The following NTRK3 variants were observed in gnomAD, a reference collection of about 807,000 sequenced individuals.
NTRK3 encodes neurotrophic receptor tyrosine kinase 3, also known as NT-3 growth factor receptor.
Under a neutral mutation model 91.7 loss-of-function variants are expected in NTRK3, and 24 were observed. The observed-to-expected ratio is 0.26, with a 90% CI of 0.19 to 0.37. The LOEUF (loss-of-function observed/expected upper bound fraction) is 0.37. Ranked by LOEUF, NTRK3 falls within the 10% of genes least tolerant of loss-of-function variation. NTRK3 has a pLI of 1.00. For synonymous variants in NTRK3, 483 were observed against 404.0 expected (o/e 1.20, Z -2.34); for missense variants, 880 against 1,068.9 (o/e 0.82, Z 2.46).
intron 17 of NTRK3, among the ~76,000 whole-genome samples, chr15:87,881,406 C>CTTATTTATTTATTTATTTATTTAT (rs61208268): frequency 4.0e-5 from 6 of 149,260 alleles, no homozygotes; most frequent in Non-Finnish European, 6.0e-5. Context: ...TTCCTTCTTT[C>CTTATTTATTTATTTATTTATTTAT]TTATTTATTT....
chr15:88,042,800 G>T (rs767981976), intron 13 of NTRK3, among the ~76,000 whole-genome samples: 3 of 152,174 alleles, frequency 2.0e-5, no homozygotes, highest in African/African-American at 7.2e-5. Context: ...CAGTGATGTA[G>T]TTGAGGAAAT....
intron 14 of NTRK3, among the ~76,000 whole-genome samples, chr15:87,945,216 G>A (rs1219595947): frequency 6.6e-6 from 1 of 152,212 alleles, no homozygotes; most frequent in African/African-American, 2.4e-5. Context: ...AGAGTTCCTG[G>A]GACCTTCTGG....
intron 14 of NTRK3, among the ~76,000 whole-genome samples, chr15:88,031,155 T>G (rs1222517115): frequency 2.0e-5 from 3 of 152,224 alleles, no homozygotes; most frequent in African/African-American, 7.2e-5. Context: ...GACAAGGTTA[T>G]GTATTGACTG....
intron 13 of NTRK3, among the ~76,000 whole-genome samples, chr15:88,065,248 C>T (rs1206908796): frequency 6.6e-6 from 1 of 152,160 alleles, no homozygotes; most frequent in African/African-American, 2.4e-5. Flanking sequence ...TGGTCCTACC[C>T]ACCACCAGGA....
exon 19 of NTRK3, chr15:87,870,791 A>G: frequency 4.5e-6 from 1 of 222,650 alleles, no homozygotes; most frequent in African/African-American, 2.2e-5. Flanking sequence ...TCAGAAGTAG[A>G]TGTTCAACAG....
chr15:87,871,463 C>G (rs1244620134), exon 19 of NTRK3: 4 of 230,518 alleles, frequency 1.7e-5, no homozygotes, highest in African/African-American at 6.6e-5. Flanking sequence ...CTCACCCCTC[C>G]TAGGGGGTGG....
At position 87,907,703 on chromosome 15, in the gene NTRK3, G is replaced by A. The variant is rs78537492; in HGVS notation, c.2133+21488C>T. Among the ~76,000 whole-genome samples the A allele has an allele frequency of 8.5e-3, 1,297 of 152,204 alleles. 15 individuals carry two copies. The highest frequency in any genetic ancestry group is 0.022 in the East Asian group (114 of 5,166). The stretch of plus-strand genomic sequence containing the variant: ...CTTTAAGGCTGAGTAGGTGAATTCT[G>A]TGGTTCTGTTTTCCCAAGTGAACTG... On this transcript the variant is annotated intron_variant, in intron 17 of 18. Transcript: ENST00000394480.
chr15:87,875,408 A>G, exon 19 of NTRK3: 1 of 231,700 alleles, frequency 4.3e-6, no homozygotes, highest in Non-Finnish European at 8.5e-6. Context: ...CCAGGAAGGC[A>G]GTGATTCCCC....
At chr15:88,171,479 A>G (rs989320882) in intron 5 of NTRK3, among the ~76,000 whole-genome samples, 4 of 152,170 alleles carry the variant, frequency 2.6e-5, no homozygotes, top group Admixed American at 2.0e-4. Context: ...AGAATCCCAA[A>G]GACGCCTCAA....
chr15:87,876,387 C>G (rs2064950103), exon 19 of NTRK3: 3 of 229,214 alleles, frequency 1.3e-5, no homozygotes, highest in Non-Finnish European at 2.6e-5. Flanking sequence ...TTGCTGAGCA[C>G]AGCCATGCAG....
intron 3 of NTRK3, among the ~76,000 whole-genome samples, chr15:88,192,101 G>A (rs995373613): frequency 8.5e-5 from 13 of 152,356 alleles, no homozygotes; most frequent in African/African-American, 2.9e-4. Flanking sequence ...GATGGAAGAC[G>A]ACAGCATCTG....
chr15:87,891,600 C>T (rs1242195450), intron 17 of NTRK3, among the ~76,000 whole-genome samples: 1 of 152,176 alleles, frequency 6.6e-6, no homozygotes, highest in African/African-American at 2.4e-5. Context: ...CACTTCATCC[C>T]TATCTTAGAT....
In NTRK3 at chr15:88,197,433, A is replaced by T. The variant is rs990105312; in HGVS notation, c.249-13134T>A. On this transcript the variant is annotated intron_variant, in intron 3 of 18. Coordinates refer to ENST00000394480, the Ensembl canonical transcript of NTRK3. ...ATTTTTTACAAAGATGACATCGATC[A>T]TGTCCCCTACAGGCCCAAGACATCC... 2.6e-5 allele frequency among the ~76,000 whole-genome samples: 4 copies of T among 152,212 alleles called. No individual in the cohort carries two copies. The South Asian group carries it at 6.2e-4, about 24-fold the overall frequency.
chr15:88,053,001 T>G (rs1405378712), intron 13 of NTRK3, among the ~76,000 whole-genome samples: 1 of 152,138 alleles, frequency 6.6e-6, no homozygotes, highest in East Asian at 1.9e-4. Flanking sequence ...ACTGGGAAAA[T>G]GAGCCTCCCC....
chr15:88,122,838 CT>C (rs770118821), intron 13 of NTRK3, among the ~76,000 whole-genome samples: 1 of 152,028 alleles, frequency 6.6e-6, no homozygotes, highest in Non-Finnish European at 1.5e-5. Flanking sequence ...ATAAGCTGTA[CT>C]TTTTTTATTA....
intron 5 of NTRK3, among the ~76,000 whole-genome samples, chr15:88,163,118 C>T (rs1286951485): frequency 1.3e-5 from 2 of 152,162 alleles, no homozygotes; most frequent in East Asian, 1.9e-4. Flanking sequence ...CACTCCATGT[C>T]GGGTAGGTGC....
At position 88,038,226 on chromosome 15, in the gene NTRK3, G is replaced by T. The variant is rs563450222; in HGVS notation, c.1397-5181C>A. On this transcript the variant is annotated intron_variant, in intron 13 of 18. Coordinates refer to ENST00000394480, the Ensembl canonical transcript of NTRK3. ...CAGATAATTCATCATGTCTTCTGATGTATGTCACTGCTGAATGTTCCTATT... is the reference window on the plus strand; with the variant it reads ...CAGATAATTCATCATGTCTTCTGATTTATGTCACTGCTGAATGTTCCTATT... 2.7e-5 allele frequency among the ~76,000 whole-genome samples: 3 copies of T among 111,356 alleles called. No homozygotes were observed. In the East Asian group the frequency reaches 6.0e-4, roughly 22 times the overall value. 73.1% of individuals were successfully genotyped at this position (111,356 alleles called of 152,430 possible). A position where few individuals can be genotyped will look rare whatever the true frequency, so the allele number is the denominator to read the frequency against.
At chr15:88,097,254 G>C (rs1380517236) in intron 13 of NTRK3, among the ~76,000 whole-genome samples, 1 of 152,186 alleles carries the variant, frequency 6.6e-6, no homozygotes, top group Non-Finnish European at 1.5e-5. Flanking sequence ...GAACAGTGCT[G>C]GTTAAAGAGG....
chr15:88,030,008 T>A (rs2141987920), intron 14 of NTRK3, among the ~76,000 whole-genome samples: 1 of 152,346 alleles, frequency 6.6e-6, no homozygotes, highest in South Asian at 2.1e-4. Flanking sequence ...ATGCCACTCA[T>A]GTTTTCTGAA....
Sources: allele counts gnomAD v4.1 joint callset (sites outside exome capture counted in the v4.1 genomes callset), GRCh38; gene constraint gnomAD v4.1.1; transcripts MANE v1.5; gene names NCBI Gene and HGNC (gene_info 2026-07-23, HGNC 2026-07-21).